Variants in ANP32B observed in about 807,000 individuals in gnomAD.
The protein encoded by ANP32B is acidic nuclear phosphoprotein 32 family member B.
A neutral mutation model predicts 32.2 loss-of-function variants in ANP32B; 6 were observed. The observed-to-expected ratio is 0.19, with a 90% CI of 0.10 to 0.37. ANP32B has a LOEUF of 0.37. Ranked by LOEUF, ANP32B falls within the 10% of genes least tolerant of loss-of-function variation. The pLI is 1.00. For synonymous variants in ANP32B, 98 were observed against 105.8 expected (o/e 0.93, Z 0.45); for missense variants, 204 against 289.2 (o/e 0.71, Z 2.14).
At chr9:98,007,159 ATTCTTAG>A (rs1386294229) in intron 4 of ANP32B, among the ~76,000 whole-genome samples, 2 of 152,254 alleles carry the variant, frequency 1.3e-5, no homozygotes, top group Non-Finnish European at 2.9e-5. Flanking sequence ...AGAACATCTC[ATTCTTAG>A]TGGCTAACTG....
chr9:97,983,904 C>T (rs1587867969), intron 1 of ANP32B, among the ~76,000 whole-genome samples: 1 of 152,096 alleles, frequency 6.6e-6, no homozygotes, highest in East Asian at 1.9e-4. Context: ...GTGCAAGTGG[C>T]CGGCGGCGAG....
chr9:97,990,884 A>G (rs1827814792), intron 1 of ANP32B, among the ~76,000 whole-genome samples: 4 of 143,876 alleles, frequency 2.8e-5, no homozygotes, highest in South Asian at 4.3e-4. Context: ...CGGTGGCGCA[A>G]TCTTGGCTCA....
intron 2 of ANP32B, among the ~76,000 whole-genome samples, chr9:97,997,882 C>T (rs1238216492): frequency 6.6e-6 from 1 of 152,190 alleles, no homozygotes; most frequent in Non-Finnish European, 1.5e-5. Flanking sequence ...ACATTACTTG[C>T]CTGTGCTACT....
chr9:98,009,243 T>C (rs1828139919), intron 4 of ANP32B, among the ~76,000 whole-genome samples: 1 of 152,236 alleles, frequency 6.6e-6, no homozygotes, highest in Admixed American at 6.5e-5. Flanking sequence ...ATACATATTT[T>C]ACAGATTTAC....
At chr9:97,989,990 G>A (rs1187010628) in intron 1 of ANP32B, among the ~76,000 whole-genome samples, 1 of 152,202 alleles carries the variant, frequency 6.6e-6, no homozygotes, top group Non-Finnish European at 1.5e-5. Context: ...GAGAGGCCAA[G>A]AGTAAACCTC....
intron 1 of ANP32B, among the ~76,000 whole-genome samples, chr9:97,991,083 A>G (rs995427433): frequency 6.6e-6 from 1 of 151,060 alleles, no homozygotes; most frequent in Admixed American, 6.6e-5. Context: ...CAGCCTCCCA[A>G]AGTGGTTGGG....
chr9:98,007,287 A>G (rs576546473), intron 4 of ANP32B, among the ~76,000 whole-genome samples: 1 of 152,316 alleles, frequency 6.6e-6, no homozygotes, highest in South Asian at 2.1e-4. Flanking sequence ...ATGAACTTTT[A>G]GGAGAGGCTG....
chr9:98,010,186 C>T (rs1224680815), intron 4 of ANP32B, among the ~76,000 whole-genome samples: 3 of 148,960 alleles, frequency 2.0e-5, no homozygotes, highest in African/African-American at 5.0e-5. Context: ...CCAGGCACTG[C>T]GGAAAATAGT....
intron 3 of ANP32B, among the ~76,000 whole-genome samples, chr9:98,002,988 C>G (rs1828019892): frequency 6.6e-6 from 1 of 152,150 alleles, no homozygotes; most frequent in Non-Finnish European, 1.5e-5. Context: ...AAGAGAAAGC[C>G]AGTATGCTAG....
At chr9:98,014,021 A>C (rs973653265) in intron 6 of ANP32B, among the ~76,000 whole-genome samples, 1 of 152,030 alleles carries the variant, frequency 6.6e-6, no homozygotes, top group African/African-American at 2.4e-5. Flanking sequence ...AAAAAGTCTC[A>C]TGGTTGTGTC....
rs149607513 is a variant in ANP32B, at chr9:98,000,373, C to A, written c.327+1695C>A. ...CCTCACCAGTGCTCCATGCATTTTG[C>A]CCTTTTTCCTATTACAGGTATACCC... On this transcript the variant is annotated intron_variant, in intron 3 of 6. Coordinates refer to ENST00000339399, the MANE Select transcript of ANP32B (RefSeq NM_006401.3). Among the ~76,000 whole-genome samples the A allele has an allele frequency of 4.5e-4, 68 of 152,268 alleles. No individual in the cohort carries two copies. In the East Asian group the frequency reaches 0.012, roughly 27 times the overall value.
In ANP32B at chr9:98,012,415, C is replaced by T; in HGVS notation, c.637-6C>T. 6.2e-7 allele frequency: 1 copy of T among 1,611,876 alleles called. No homozygotes were observed. Among genetic ancestry groups the T allele is most frequent in the Non-Finnish European group, 8.5e-7 (1 of 1,179,200 alleles). On this transcript the variant is annotated splice_polypyrimidine_tract_variant and splice_region_variant and intron_variant, in intron 5 of 6. Coordinates refer to ENST00000339399, the MANE Select transcript of ANP32B (RefSeq NM_006401.3). The stretch of plus-strand genomic sequence containing the variant: ...ATTTAATGTTATGCTGTTTGCTATT[C>T]TTTAGGAAGAAGAATTTGGACTTGA...
chr9:97,987,572 G>C (rs938625771), intron 1 of ANP32B: 1 of 152,192 alleles, frequency 6.6e-6, no homozygotes, highest in African/African-American at 2.4e-5. Context: ...ATGTCGCTCT[G>C]TTAGAAGCAC....
intron 1 of ANP32B, among the ~76,000 whole-genome samples, chr9:97,990,237 G>A (rs894078729): frequency 6.6e-6 from 1 of 152,172 alleles, no homozygotes; most frequent in Non-Finnish European, 1.5e-5. Flanking sequence ...GTGCACCTGT[G>A]TATGTGTGTT....
intron 3 of ANP32B, among the ~76,000 whole-genome samples, chr9:98,001,758 T>G (rs963216371): frequency 6.6e-6 from 1 of 152,142 alleles, no homozygotes; most frequent in East Asian, 1.9e-4. Flanking sequence ...TAGTGAAGGA[T>G]AAAAAGTAAT....
intron 3 of ANP32B, among the ~76,000 whole-genome samples, chr9:98,003,723 G>GC (rs1828031952): frequency 6.6e-6 from 1 of 152,164 alleles, no homozygotes; most frequent in Non-Finnish European, 1.5e-5. Context: ...AACCTGTTAA[G>GC]CATCAACATT....
Position 97,983,593 on chromosome 9 carries a change from A to C in ANP32B, c.38A>C (p.Asn13Thr). 6.3e-7 allele frequency: 1 copy of C among 1,584,048 alleles called. No individual in the cohort carries two copies. Among genetic ancestry groups the C allele is most frequent in the Non-Finnish European group, 8.6e-7 (1 of 1,166,094 alleles). The change falls in exon 1 of 7, where the codon AAC (asparagine) becomes ACC (threonine). Residue 13 changes from asparagine (N) to threonine (T), a missense_variant. Transcript: ENST00000339399. ...MKRRIHLELR[N>T]RTPAAVRELV... ...AGGAGGATCCACCTGGAGCTGAGGA[A>C]CCGGACCCCGGCAGCTGTAAGCAGA...
intron 4 of ANP32B, among the ~76,000 whole-genome samples, chr9:98,006,479 T>TA (rs766069726): frequency 2.0e-4 from 31 of 151,752 alleles, no homozygotes; most frequent in Non-Finnish European, 4.0e-4. Context: ...CCAACATGAG[T>TA]AAAAAACGTC....
At chr9:97,995,951 A>AT (rs1264324694) in intron 2 of ANP32B, among the ~76,000 whole-genome samples, 323 of 149,970 alleles carry the variant, frequency 2.2e-3, no homozygotes, top group African/African-American at 7.6e-3. Flanking sequence ...AAAAAAAAAA[A>AT]GTATAATACA....
Sources: allele counts gnomAD v4.1 joint callset (sites outside exome capture counted in the v4.1 genomes callset), GRCh38; gene constraint gnomAD v4.1.1; transcripts MANE v1.5; gene names NCBI Gene and HGNC (gene_info 2026-07-23, HGNC 2026-07-21).